Variants in LRCH1 observed in about 807,000 individuals in gnomAD.
LRCH1 encodes leucine rich repeats and calponin homology domain containing 1, also known as leucine-rich repeat and calponin homology domain-containing protein 1.
LRCH1 carries 23 observed loss-of-function variants against 94.9 expected under a neutral mutation model. The ratio of observed to expected loss-of-function variants is 0.24; its 90% CI spans 0.17 to 0.34. The LOEUF is 0.34. LRCH1 is among the 10% of genes least tolerant of loss of function. The pLI, the probability that LRCH1 is intolerant of heterozygous loss-of-function variation, is 1.00. For synonymous variants in LRCH1, 364 were observed against 354.9 expected, an observed-to-expected ratio of 1.03 and a Z score of -0.29; for missense variants, 790 against 945.9, an observed-to-expected ratio of 0.84 and a Z score of 2.16.
intron 2 of LRCH1, among the ~76,000 whole-genome samples, chr13:46,667,159 T>C (rs1325663437): frequency 6.6e-6 from 1 of 152,132 alleles, no homozygotes; most frequent in Non-Finnish European, 1.5e-5. Flanking sequence ...GTCTGCACAA[T>C]GGAGAGAAGA....
At chr13:46,689,031 G>T in intron 6 of LRCH1, 102 bp from the exon 7 acceptor site, 1 of 919,518 alleles carries the variant, frequency 1.1e-6, no homozygotes. Context: ...AAAAATTTGC[G>T]TAGCAAAATT....
At chr13:46,668,780 A>T (rs1359895411) in intron 2 of LRCH1, among the ~76,000 whole-genome samples, 2 of 151,892 alleles carry the variant, frequency 1.3e-5, no homozygotes, top group Non-Finnish European at 2.9e-5. Flanking sequence ...TGTTGAATAA[A>T]GTTGTCTCTT....
chr13:46,648,165 A>G (rs1036869916), intron 1 of LRCH1, among the ~76,000 whole-genome samples: 1 of 152,190 alleles, frequency 6.6e-6, no homozygotes, highest in Non-Finnish European at 1.5e-5. Context: ...ATCAGACATT[A>G]GATTCTAACA....
At chr13:46,712,469 GTTC>G in intron 14 of LRCH1, 53 bp from the exon 15 acceptor site, 3 of 1,317,856 alleles carry the variant, frequency 2.3e-6, no homozygotes, top group Non-Finnish European at 3.3e-6. Context: ...ACCATACATA[GTTC>G]TTCTGTTTTC....
chr13:46,573,369 C>A (rs906182580), intron 1 of LRCH1, among the ~76,000 whole-genome samples: 1 of 152,060 alleles, frequency 6.6e-6, no homozygotes, highest in African/African-American at 2.4e-5. Context: ...AAACTTGGTG[C>A]CTGCTGGGTA....
chr13:46,581,954 AC>A (rs1221511392), intron 1 of LRCH1, among the ~76,000 whole-genome samples: 2 of 152,148 alleles, frequency 1.3e-5, no homozygotes. Context: ...GTTTTAGGCC[AC>A]CCTGGCCAAT....
At chr13:46,623,682 A>G (rs1221893581) in intron 1 of LRCH1, among the ~76,000 whole-genome samples, 2 of 127,272 alleles carry the variant, frequency 1.6e-5, no homozygotes, top group Non-Finnish European at 3.3e-5. Flanking sequence ...TAATTTGTGT[A>G]CCCTGTCTCT....
At position 46,689,207 on chromosome 13, in the gene LRCH1, T is replaced by G; in HGVS notation, c.1014+11T>G. The stretch of plus-strand genomic sequence containing the variant: ...TTATCTGCCACCGAGGTAAAGTTAG[T>G]GATCAGATTCTTTTCCTTCTGTACT... On this transcript the variant is annotated intron_variant, in intron 7 of 19. Transcript: ENST00000389797. 6.2e-7 allele frequency: 1 copy of G among 1,608,164 alleles called. No individual in the cohort carries two copies. Among genetic ancestry groups the G allele is most frequent in the East Asian group, 2.2e-5 (1 of 44,726 alleles).
At chr13:46,641,100 G>A (rs1164231631) in intron 1 of LRCH1, among the ~76,000 whole-genome samples, 9 of 152,148 alleles carry the variant, frequency 5.9e-5, no homozygotes, top group African/African-American at 2.2e-4. Flanking sequence ...TTCTGAATGT[G>A]TGCCCCATGG....
intron 14 of LRCH1, 77 bp downstream of exon 14, chr13:46,711,921 A>T (rs559986961): frequency 9.3e-7 from 1 of 1,072,394 alleles, no homozygotes; most frequent in East Asian, 2.4e-5. Flanking sequence ...AGAAATATAT[A>T]ATCTAAGACT....
chr13:46,621,976 G>A (rs901196730), intron 1 of LRCH1, among the ~76,000 whole-genome samples: 1 of 152,108 alleles, frequency 6.6e-6, no homozygotes, highest in Non-Finnish European at 1.5e-5. Flanking sequence ...TATTATGTCT[G>A]TGTTCCAGAC....
chr13:46,729,597 C>CTGA (rs1314402208), intron 18 of LRCH1, among the ~76,000 whole-genome samples: 1 of 150,900 alleles, frequency 6.6e-6, no homozygotes, highest in Non-Finnish European at 1.5e-5. Context: ...TACTGATTGA[C>CTGA]TGATGATCAA....
At chr13:46,600,181 C>G (rs897407410) in intron 1 of LRCH1, among the ~76,000 whole-genome samples, 3 of 152,196 alleles carry the variant, frequency 2.0e-5, no homozygotes, top group African/African-American at 2.4e-5. Flanking sequence ...GCCACCACAC[C>G]CGGCCAGGCT....
chr13:46,737,063 A>G (rs1873420254), intron 19 of LRCH1, among the ~76,000 whole-genome samples: 2 of 152,240 alleles, frequency 1.3e-5, no homozygotes, highest in Non-Finnish European at 2.9e-5. Flanking sequence ...AGAAGTCCCC[A>G]TAAACGCAGT....
intron 1 of LRCH1, among the ~76,000 whole-genome samples, chr13:46,560,840 A>G (rs1434776956): frequency 6.6e-6 from 1 of 152,246 alleles, no homozygotes. Flanking sequence ...CTAATTTAAG[A>G]GTTTAGTGAT....
chr13:46,750,195 C>T (rs752996470), intron 18 of LRCH1, among the ~76,000 whole-genome samples: 5 of 152,062 alleles, frequency 3.3e-5, no homozygotes, highest in Non-Finnish European at 4.4e-5. Flanking sequence ...TGCAGTTTTG[C>T]TTTATAAAAA....
exon 19 of LRCH1, chr13:46,752,155 A>G (rs1042956234): frequency 6.6e-6 from 1 of 152,346 alleles, no homozygotes; most frequent in African/African-American, 2.4e-5. Flanking sequence ...AGATTCACGG[A>G]ACACGGCAGC....
intron 1 of LRCH1, among the ~76,000 whole-genome samples, chr13:46,604,988 C>A (rs967934973): frequency 2.0e-5 from 3 of 152,172 alleles, no homozygotes; most frequent in African/African-American, 7.2e-5. Context: ...CTGATTGATG[C>A]CTGGCTAATT....
At chr13:46,723,031 A>T (rs1234666860) in intron 16 of LRCH1, among the ~76,000 whole-genome samples, 190 bp from the exon 17 acceptor site, 2 of 152,236 alleles carry the variant, frequency 1.3e-5, no homozygotes, top group Non-Finnish European at 1.5e-5. Flanking sequence ...CACACAAACT[A>T]GTACAATTTA....
Sources: gnomAD v4.1 joint callset for allele counts (sites outside exome capture counted in the v4.1 genomes callset) on GRCh38, gnomAD v4.1.1 for gene constraint, MANE v1.5 for transcripts, NCBI Gene and HGNC (gene_info 2026-07-23, HGNC 2026-07-21) for gene names.